SLC25A21: variants seen among roughly 807,000 people sequenced by gnomAD.
SLC25A21 encodes the protein solute carrier family 25 member 21, also known as mitochondrial 2-oxodicarboxylate carrier.
In SLC25A21, 47 loss-of-function variants were observed where a neutral mutation model predicts 43.8. The observed-to-expected ratio is 1.07, with a 90% CI of 0.85 to 1.37. The LOEUF is 1.37. Among genes scored for constraint, SLC25A21 ranks in the 40% most tolerant of loss-of-function variants. The pLI is 0.00. For synonymous variants in SLC25A21, 131 were observed against 121.3 expected (o/e 1.08, Z -0.52); for missense variants, 352 against 350.2 (o/e 1.00, Z -0.04).
chr14:36,709,307 G>A (rs1455566287), intron 7 of SLC25A21, among the ~76,000 whole-genome samples: 1 of 152,212 alleles, frequency 6.6e-6, no homozygotes, highest in Non-Finnish European at 1.5e-5. Context: ...ATGTTCTACT[G>A]TCACTGTCTT....
At chr14:37,106,216 T>C (rs1191342522) in intron 1 of SLC25A21, among the ~76,000 whole-genome samples, 1 of 152,038 alleles carries the variant, frequency 6.6e-6, no homozygotes, top group Non-Finnish European at 1.5e-5. Flanking sequence ...AAGATAACCA[T>C]AAGGTCTGAC....
In SLC25A21 at chr14:37,090,280, G is replaced by A. The variant is rs571349324; in HGVS notation, c.70+82001C>T. Among the ~76,000 whole-genome samples, 17 of 152,328 alleles carry A rather than the reference G, an allele frequency of 1.1e-4. No individual in the cohort carries two copies. In the South Asian group the frequency reaches 1.9e-3, roughly 17 times the overall value. On this transcript the variant is annotated intron_variant, in intron 1 of 9. Transcript: ENST00000331299. Reference sequence around the variant, plus strand: ...ATGATTGCTGTTGTGACAGTTTTCAGTCAGCATACTTGCTGCTGGCAACAC... The same window carrying A: ...ATGATTGCTGTTGTGACAGTTTTCAATCAGCATACTTGCTGCTGGCAACAC...
At chr14:37,003,607 A>G (rs980018149) in intron 1 of SLC25A21, among the ~76,000 whole-genome samples, 1 of 152,222 alleles carries the variant, frequency 6.6e-6, no homozygotes, top group African/African-American at 2.4e-5. Flanking sequence ...CTGCATGCAA[A>G]AGCATGGATT....
At chr14:37,139,729 A>C (rs1456858074) in intron 1 of SLC25A21, among the ~76,000 whole-genome samples, 8 of 152,204 alleles carry the variant, frequency 5.3e-5, no homozygotes, top group Non-Finnish European at 2.9e-5. Flanking sequence ...TACAAAAGAC[A>C]GTGAAGGCAG....
chr14:36,936,673 G>T (rs1421478783), intron 1 of SLC25A21, among the ~76,000 whole-genome samples: 3 of 152,142 alleles, frequency 2.0e-5, no homozygotes, highest in Middle Eastern at 3.2e-3. Context: ...TTAATCAGCA[G>T]GAATGCCAAG....
chr14:36,929,860 G>A (rs554315680), intron 1 of SLC25A21, among the ~76,000 whole-genome samples: 1 of 152,274 alleles, frequency 6.6e-6, no homozygotes, highest in Admixed American at 6.5e-5. Flanking sequence ...GGTGGTGACT[G>A]TTTTGATGAA....
chr14:37,000,886 C>T (rs1293342386), intron 1 of SLC25A21, among the ~76,000 whole-genome samples: 1 of 152,106 alleles, frequency 6.6e-6, no homozygotes, highest in Non-Finnish European at 1.5e-5. Flanking sequence ...CCTGAGGCCT[C>T]CCAGTCATGC....
intron 3 of SLC25A21, among the ~76,000 whole-genome samples, chr14:36,766,697 A>T (rs1886428502): frequency 1.3e-5 from 2 of 152,012 alleles, no homozygotes; most frequent in African/African-American, 2.4e-5. Flanking sequence ...ATCGACTCTC[A>T]TTTCAGCACC....
chr14:37,007,652 G>A (rs896725555), intron 1 of SLC25A21, among the ~76,000 whole-genome samples: 4 of 147,198 alleles, frequency 2.7e-5, no homozygotes, highest in African/African-American at 1.0e-4. Flanking sequence ...AGTACTTTTA[G>A]GCCACTTTCT....
Position 36,892,550 on chromosome 14 carries a change from C to T in SLC25A21, c.71-17546G>A, listed in dbSNP as rs1891100520. Among the ~76,000 whole-genome samples the T allele has an allele frequency of 2.7e-5, 4 of 148,948 alleles. No individual in the cohort carries two copies. The Admixed American group carries it at 2.7e-4, about 10-fold the overall frequency. The stretch of plus-strand genomic sequence containing the variant: ...GAAAGACCAATACCACATAATCTCA[C>T]TTTTTTTTTTATTATACTTTAAGTT... On this transcript the variant is annotated intron_variant, in intron 1 of 9. Transcript: ENST00000331299.
At chr14:37,068,560 T>C (rs1351981653) in intron 1 of SLC25A21, among the ~76,000 whole-genome samples, 1 of 152,208 alleles carries the variant, frequency 6.6e-6, no homozygotes, top group African/African-American at 2.4e-5. Flanking sequence ...ACTGAACCCA[T>C]TTAGTATCAA....
intron 1 of SLC25A21, among the ~76,000 whole-genome samples, chr14:37,165,330 T>G (rs1249153863): frequency 6.6e-6 from 1 of 151,834 alleles, no homozygotes; most frequent in Non-Finnish European, 1.5e-5. Flanking sequence ...TGAGCCAAGA[T>G]TGCGCCACTG....
rs1891900755 is a variant in SLC25A21 at position 36,918,842 on chromosome 14, G to A, written c.71-43838C>T. 2.6e-5 allele frequency among the ~76,000 whole-genome samples: 4 copies of A among 152,082 alleles called. No individual in the cohort carries two copies. In the South Asian group the frequency reaches 8.3e-4, roughly 32 times the overall value. On this transcript the variant is annotated intron_variant, in intron 1 of 9. Transcript: ENST00000331299. ...AAATGGGGAGAAAAAGAGAGAAGCTGTAAAAGGAAAAGCCCGAAAGATCCT... is the reference window on the plus strand; with the variant it reads ...AAATGGGGAGAAAAAGAGAGAAGCTATAAAAGGAAAAGCCCGAAAGATCCT...
rs552452841 is a variant in SLC25A21 at position 36,860,736 on chromosome 14, C to A, written c.119+14220G>T. On this transcript the variant is annotated intron_variant, in intron 2 of 9. Transcript: ENST00000331299. ...ATTTAAAAGAACACAAATACAGAGACAAGAAATTCTAAAGTGTATATTTTT... is the reference window on the plus strand; with the variant it reads ...ATTTAAAAGAACACAAATACAGAGAAAAGAAATTCTAAAGTGTATATTTTT... Among the ~76,000 whole-genome samples the A allele has an allele frequency of 4.3e-4, 65 of 152,056 alleles. 1 individual carries two copies. Among genetic ancestry groups the A allele is most frequent in the Non-Finnish European group, 8.2e-4 (56 of 68,008 alleles).
chr14:36,978,684 A>G (rs1959939108), intron 1 of SLC25A21, among the ~76,000 whole-genome samples: 1 of 152,216 alleles, frequency 6.6e-6, no homozygotes, highest in African/African-American at 2.4e-5. Context: ...AGTATGTTCT[A>G]AAATACTATA....
At chr14:37,144,459 T>C (rs898399656) in intron 1 of SLC25A21, among the ~76,000 whole-genome samples, 1 of 152,164 alleles carries the variant, frequency 6.6e-6, no homozygotes, top group African/African-American at 2.4e-5. Context: ...GAGTGACTAC[T>C]AAAATATTAG....
At chr14:37,141,198 G>A (rs377404287) in intron 1 of SLC25A21, among the ~76,000 whole-genome samples, 18 of 152,110 alleles carry the variant, frequency 1.2e-4, no homozygotes, top group South Asian at 4.1e-4. Context: ...TTTGTATTAC[G>A]AGGAAGAAAT....
chr14:37,063,422 C>T (rs1034734245), intron 1 of SLC25A21, among the ~76,000 whole-genome samples: 3 of 151,846 alleles, frequency 2.0e-5, no homozygotes, highest in Non-Finnish European at 2.9e-5. Context: ...ATCGCTTGAA[C>T]CCAGGAGGTG....
In SLC25A21 at chr14:36,729,506, C is replaced by A. The variant is rs1453112795; in HGVS notation, c.330+1G>T. 1.2e-6 allele frequency: 2 copies of A among 1,602,072 alleles called. No individual in the cohort carries two copies. The highest frequency in any genetic ancestry group is 1.7e-6 in the Non-Finnish European group (2 of 1,174,502). On this transcript the variant is annotated splice_donor_variant, in intron 5 of 9. Coordinates refer to ENST00000331299, the MANE Select transcript of SLC25A21 (RefSeq NM_030631.4). LOFTEE classifies it high-confidence loss of function. ...TAAGTATAATAAATACTCTCACTTA[C>A]CAATGCTGGTGACAGTGACACATAT...
Sources: allele counts gnomAD v4.1 joint callset (sites outside exome capture counted in the v4.1 genomes callset), GRCh38; gene constraint gnomAD v4.1.1; transcripts MANE v1.5; gene names NCBI Gene and HGNC (gene_info 2026-07-23, HGNC 2026-07-21).